SMAD2: variants seen among roughly 807,000 people sequenced by gnomAD.
SMAD2 encodes the protein SMAD family member 2, also known as MAD homolog 2.
A neutral mutation model predicts 64.4 loss-of-function variants in SMAD2; 8 were observed. That is an observed-to-expected ratio of 0.12 (90% CI 0.07 to 0.22). SMAD2 has a LOEUF of 0.22. Ranked by LOEUF, SMAD2 falls within the 10% of genes least tolerant of loss-of-function variation. The pLI, the probability that SMAD2 is intolerant of heterozygous loss-of-function variation, is 1.00. For missense variants in SMAD2, 289 were observed against 561.2 expected (o/e 0.51, Z 4.90); for synonymous variants, 203 against 195.8 (o/e 1.04, Z -0.31).
At chr18:47,885,132 TACACACACACACAC>T (rs57342899) in intron 2 of SMAD2, among the ~76,000 whole-genome samples, 5,537 of 142,086 alleles carry the variant, frequency 0.039, 246 homozygotes, top group African/African-American at 0.1. Flanking sequence ...TTTAGTCATA[TACACACACACACAC>T]ACACACACAC....
At chr18:47,848,780 T>C (rs984614065) in intron 7 of SMAD2, 93 bp from the exon 8 acceptor site, 22 of 904,410 alleles carry the variant, frequency 2.4e-5, no homozygotes, top group Non-Finnish European at 3.6e-5. Flanking sequence ...CTTTACATGC[T>C]CTATGCCAGC....
chr18:47,857,184 AT>A (rs2030778742), intron 6 of SMAD2, among the ~76,000 whole-genome samples: 1 of 152,192 alleles, frequency 6.6e-6, no homozygotes, highest in Non-Finnish European at 1.5e-5. Flanking sequence ...CTGTATCATA[AT>A]CTTATGTGTA....
chr18:47,896,011 C>T (rs775251235), intron 2 of SMAD2, among the ~76,000 whole-genome samples: 3 of 152,202 alleles, frequency 2.0e-5, no homozygotes, highest in Non-Finnish European at 4.4e-5. Context: ...ACAGGTCCTC[C>T]TAACCTAAGA....
At chr18:47,926,892 AGAGG>A (rs946576994) in intron 1 of SMAD2, among the ~76,000 whole-genome samples, 41 of 152,364 alleles carry the variant, frequency 2.7e-4, no homozygotes, top group African/African-American at 9.6e-4. Context: ...TCACTGAATA[AGAGG>A]AAGGGGTTAG....
At chr18:47,876,211 T>C (rs2032253653) in intron 2 of SMAD2, among the ~76,000 whole-genome samples, 1 of 152,098 alleles carries the variant, frequency 6.6e-6, no homozygotes, top group African/African-American at 2.4e-5. Flanking sequence ...TAAATTTATT[T>C]GACCATCTAA....
At chr18:47,894,537 C>A (rs955877896) in intron 2 of SMAD2, among the ~76,000 whole-genome samples, 2 of 152,114 alleles carry the variant, frequency 1.3e-5, no homozygotes, top group African/African-American at 4.8e-5. Flanking sequence ...AATCCTCCCC[C>A]ACCTCCCAAT....
intron 1 of SMAD2, among the ~76,000 whole-genome samples, chr18:47,927,502 CAG>C (rs1164344363): frequency 2.0e-5 from 3 of 152,234 alleles, no homozygotes; most frequent in Non-Finnish European, 2.9e-5. Context: ...CATTAAGGAA[CAG>C]GGGTGTACTT....
intron 1 of SMAD2, among the ~76,000 whole-genome samples, chr18:47,906,859 T>C (rs983323272): frequency 7.2e-5 from 11 of 152,142 alleles, no homozygotes; most frequent in African/African-American, 2.4e-4. Flanking sequence ...TTCTCTTCTG[T>C]ATTCAAATCT....
rs1183785213 is a variant in SMAD2 at position 47,828,094 on chromosome 18, C to G, written c.*13733G>C. On this transcript the variant is annotated 3_prime_UTR_variant, in exon 11 of 11. Coordinates refer to ENST00000262160, the MANE Select transcript of SMAD2 (RefSeq NM_005901.6). Reference sequence around the variant, plus strand: ...AGGAGTGTCTCTGCCCGACCGCCACCCCGTCTGGGAGGTGAGGAGCGTCTC... The same window carrying G: ...AGGAGTGTCTCTGCCCGACCGCCACGCCGTCTGGGAGGTGAGGAGCGTCTC... 3 of 162,400 alleles carry G rather than the reference C, an allele frequency of 1.8e-5. No homozygotes were observed. Among genetic ancestry groups the G allele is most frequent in the Non-Finnish European group, 4.0e-5 (3 of 75,908 alleles). 10.1% of individuals were successfully genotyped at this position (162,400 alleles called of 1,614,324 possible). A position where few individuals can be genotyped will look rare whatever the true frequency, so the allele number is the denominator to read the frequency against.
chr18:47,851,154 T>G (rs2030026043), intron 7 of SMAD2, 120 bp downstream of exon 7: 1 of 719,732 alleles, frequency 1.4e-6, no homozygotes, highest in Non-Finnish European at 2.5e-6. Context: ...TACATAATTA[T>G]TTGGCTATTC....
intron 7 of SMAD2, among the ~76,000 whole-genome samples, 173 bp downstream of exon 7, chr18:47,851,101 G>T (rs924044855): frequency 2.0e-5 from 3 of 150,640 alleles, no homozygotes; most frequent in Non-Finnish European, 3.0e-5. Flanking sequence ...AATTTTGAGG[G>T]ATGGTGTCAA....
intron 2 of SMAD2, among the ~76,000 whole-genome samples, chr18:47,871,728 T>C (rs1444272483): frequency 6.6e-6 from 1 of 152,220 alleles, no homozygotes; most frequent in Non-Finnish European, 1.5e-5. Flanking sequence ...CCAGGTAAAT[T>C]AAGGCTTAGA....
intron 1 of SMAD2, among the ~76,000 whole-genome samples, chr18:47,919,256 G>A (rs1386014384): frequency 6.6e-6 from 1 of 151,846 alleles, no homozygotes. Context: ...GGCATTTTCA[G>A]ACATGCAACA....
At chr18:47,909,745 G>C (rs1234944030) in intron 1 of SMAD2, among the ~76,000 whole-genome samples, 1 of 152,142 alleles carries the variant, frequency 6.6e-6, no homozygotes, top group East Asian at 1.9e-4. Context: ...TCAATGCTTT[G>C]TCCCTGAAGT....
At chr18:47,843,501 G>A (rs2144281996) in intron 10 of SMAD2, among the ~76,000 whole-genome samples, 1 of 152,202 alleles carries the variant, frequency 6.6e-6, no homozygotes. Context: ...TAAATTTCCT[G>A]TTTACTACAT....
intron 1 of SMAD2, among the ~76,000 whole-genome samples, chr18:47,905,369 T>C (rs1275274074): frequency 1.3e-5 from 2 of 152,200 alleles, no homozygotes; most frequent in Non-Finnish European, 2.9e-5. Context: ...ATGTCCATTC[T>C]TTCCAATTTG....
chr18:47,850,225 ATATATATTATATAT>A (rs1195063877), intron 7 of SMAD2, among the ~76,000 whole-genome samples: 2 of 54,458 alleles, frequency 3.7e-5, no homozygotes, highest in Non-Finnish European at 6.4e-5. Context: ...TATATGTATA[ATATATATTATATAT>A]TATATATTAT....
At chr18:47,900,117 T>C (rs1189956624) in intron 1 of SMAD2, among the ~76,000 whole-genome samples, 1 of 152,192 alleles carries the variant, frequency 6.6e-6, no homozygotes, top group Non-Finnish European at 1.5e-5. Context: ...TTAAGTTCTC[T>C]AATGACATTT....
rs1460106629 is a variant in SMAD2, at chr18:47,835,246, A to G, written c.*6581T>C. The G allele has an allele frequency of 1.8e-5, 4 of 216,984 alleles. No individual in the cohort carries two copies. Among genetic ancestry groups the G allele is most frequent in the African/African-American group, 2.3e-5 (1 of 44,416 alleles). The allele number at this position is 216,984 out of a possible 1,614,324, so 13.4% of individuals were successfully genotyped here. The stretch of plus-strand genomic sequence containing the variant: ...CTAAGAAAGTACCAATTTGGGTTCT[A>G]TATTTTGTCAAACAGTTGGGTTTTT... On this transcript the variant is annotated 3_prime_UTR_variant, in exon 11 of 11. Coordinates refer to ENST00000262160, the MANE Select transcript of SMAD2 (RefSeq NM_005901.6).
Sources: allele counts gnomAD v4.1 joint callset (sites outside exome capture counted in the v4.1 genomes callset), GRCh38; gene constraint gnomAD v4.1.1; transcripts MANE v1.5; gene names NCBI Gene and HGNC (gene_info 2026-07-23, HGNC 2026-07-21).